PLA2G6: variants seen among roughly 807,000 people sequenced by gnomAD.
The protein encoded by PLA2G6 is phospholipase A2 group VI, also known as 85/88 kDa calcium-independent phospholipase A2.
A neutral mutation model predicts 83.8 loss-of-function variants in PLA2G6; 62 were observed. The observed-to-expected ratio is 0.74, with a 90% CI of 0.60 to 0.91. The LOEUF is 0.91. PLA2G6 is among the 40% of genes least tolerant of loss of function. The pLI, the probability that PLA2G6 is intolerant of heterozygous loss-of-function variation, is 0.00. For synonymous variants in PLA2G6, 417 were observed against 449.8 expected (o/e 0.93, Z 0.92); for missense variants, 944 against 1,102.0 (o/e 0.86, Z 2.03).
rs11570669 is a variant in PLA2G6, at chr22:38,134,706, G to C, written c.894+282C>G. ...TGGGAAGCACTTTACAATTTGTGCC[G>C]AGTTTTGTCACACACTGCCTTGCTG... is the stretch of plus-strand genomic sequence containing the variant. On this transcript the variant is annotated intron_variant, in intron 6 of 16. Transcript: ENST00000332509. 5.6e-5 allele frequency: 26 copies of C among 460,390 alleles called. No homozygotes were observed. The South Asian group carries it at 7.0e-4, about 12-fold the overall frequency. The allele number at this position is 460,390 out of a possible 1,614,324, so 28.5% of individuals were successfully genotyped here.
At chr22:38,119,191 A>C (rs534044749) in intron 12 of PLA2G6, among the ~76,000 whole-genome samples, 1 of 152,250 alleles carries the variant, frequency 6.6e-6, no homozygotes, top group African/African-American at 2.4e-5. Flanking sequence ...CCCAGACACC[A>C]GGACTCACCA....
chr22:38,149,492 T>C (rs890506565), intron 2 of PLA2G6: 2 of 152,034 alleles, frequency 1.3e-5, no homozygotes, highest in Admixed American at 1.3e-4. Context: ...GACAGAAGAA[T>C]ACAAAATATA....
intron 13 of PLA2G6, 72 bp downstream of exon 13, chr22:38,116,003 C>T (rs555279912): frequency 1.7e-5 from 26 of 1,569,682 alleles, no homozygotes; most frequent in Middle Eastern, 2.3e-4. Flanking sequence ...GGCAAGTGCA[C>T]GACTCCCACC....
intron 2 of PLA2G6, among the ~76,000 whole-genome samples, chr22:38,168,799 G>A (rs1479381315): frequency 6.6e-6 from 1 of 152,126 alleles, no homozygotes; most frequent in Non-Finnish European, 1.5e-5. Flanking sequence ...GCAGTGAGCC[G>A]AGATTGCGCC....
At chr22:38,170,653 C>A (rs180818889) in intron 1 of PLA2G6, among the ~76,000 whole-genome samples, 1 of 152,148 alleles carries the variant, frequency 6.6e-6, no homozygotes, top group African/African-American at 2.4e-5. Flanking sequence ...GCCAATCAGA[C>A]GGAGGCCGCC....
At chr22:38,121,017 T>C in intron 11 of PLA2G6, 108 bp from the exon 12 acceptor site, 1 of 1,369,336 alleles carries the variant, frequency 7.3e-7, no homozygotes, top group South Asian at 1.2e-5. Context: ...AGGAAGCGGG[T>C]TTACCGAGGC....
chr22:38,148,247 T>A, intron 2 of PLA2G6: 1 of 435,706 alleles, frequency 2.3e-6, no homozygotes, highest in Non-Finnish European at 4.2e-6. Flanking sequence ...AAGATAGATA[T>A]TTTTGAGGAG....
chr22:38,161,895 TGTC>T (rs968549619), intron 2 of PLA2G6, among the ~76,000 whole-genome samples: 12 of 151,908 alleles, frequency 7.9e-5, no homozygotes, highest in African/African-American at 2.9e-4. Flanking sequence ...CTGTGGCTCA[TGTC>T]GTGATTTCAA....
In PLA2G6 at chr22:38,123,970, G is replaced by A. The variant is rs2087682240; in HGVS notation, c.1428-712C>T. ...CCTGCCTCAACCTCCCGAGTAGCTG[G>A]GATCACAGGTGCCCGCCACCACACC... is the stretch of plus-strand genomic sequence containing the variant. On this transcript the variant is annotated intron_variant, in intron 10 of 16. Transcript: ENST00000332509. This position sits in a 1 kb window ranked among gnomAD's most constrained non-coding sequence, Gnocchi z 4.1. Among the ~76,000 whole-genome samples, 1 of 152,008 alleles carries A rather than the reference G, an allele frequency of 6.6e-6. No homozygotes were observed. Among genetic ancestry groups the A allele is most frequent in the Non-Finnish European group, 1.5e-5 (1 of 68,000 alleles).
intron 2 of PLA2G6, chr22:38,145,939 T>C (rs1248747989): frequency 4.7e-6 from 2 of 425,584 alleles, no homozygotes; most frequent in Non-Finnish European, 8.8e-6. Context: ...GGTGGTGTGA[T>C]CATGACTCAC....
chr22:38,178,960 A>T (rs1022457052), intron 1 of PLA2G6, among the ~76,000 whole-genome samples: 4 of 152,226 alleles, frequency 2.6e-5, no homozygotes, highest in African/African-American at 9.6e-5. Flanking sequence ...AATAAAGAAG[A>T]TAAACAGGTA....
chr22:38,165,713 C>T (rs2090188251), intron 2 of PLA2G6, among the ~76,000 whole-genome samples: 2 of 151,922 alleles, frequency 1.3e-5, no homozygotes, highest in Non-Finnish European at 2.9e-5. Flanking sequence ...CCCGTCTCTA[C>T]TAAAAATACA....
At chr22:38,125,763 G>A in intron 10 of PLA2G6, 1 of 467,138 alleles carries the variant, frequency 2.1e-6, no homozygotes, top group South Asian at 1.6e-5. Context: ...AAGAATAAAT[G>A]AATCAACTGC....
In PLA2G6 at chr22:38,132,345, G is replaced by T; in HGVS notation, c.1077+486C>A. The stretch of plus-strand genomic sequence containing the variant: ...TTACAGCCTCCCAGGGAAGATGAGA[G>T]CAACACGCGGACCAGTGAAGGGAAG... On this transcript the variant is annotated intron_variant, in intron 7 of 16. Coordinates refer to ENST00000332509, the MANE Select transcript of PLA2G6 (RefSeq NM_003560.4). The surrounding 1 kb of genome is among the most constrained non-coding windows in gnomAD (Gnocchi z 5.0). 1 of 326,174 alleles carries T rather than the reference G, an allele frequency of 3.1e-6. No homozygotes were observed. The highest frequency in any genetic ancestry group is 6.0e-6 in the Non-Finnish European group (1 of 167,020). 20.2% of individuals were successfully genotyped at this position (326,174 alleles called of 1,614,324 possible). A position where few individuals can be genotyped will look rare whatever the true frequency, so the allele number is the denominator to read the frequency against.
chr22:38,160,969 A>T (rs1025110595), intron 2 of PLA2G6, among the ~76,000 whole-genome samples: 22 of 152,170 alleles, frequency 1.4e-4, no homozygotes, highest in African/African-American at 5.1e-4. Flanking sequence ...GTGGTTACAC[A>T]GGTGTTTGTG....
At chr22:38,114,341 C>T (rs145315829) in intron 14 of PLA2G6, among the ~76,000 whole-genome samples, 3,268 of 152,240 alleles carry the variant, frequency 0.021, 141 homozygotes, top group African/African-American at 0.075. Context: ...CCACTATGCC[C>T]GCCTGGCTAA....
At chr22:38,163,046 G>C (rs2090080022) in intron 2 of PLA2G6, among the ~76,000 whole-genome samples, 1 of 152,172 alleles carries the variant, frequency 6.6e-6, no homozygotes, top group East Asian at 1.9e-4. Flanking sequence ...CTAAGCCTCA[G>C]GGGACCTGCA....
chr22:38,162,237 A>C (rs1356150253), intron 2 of PLA2G6, among the ~76,000 whole-genome samples: 2 of 151,826 alleles, frequency 1.3e-5, no homozygotes, highest in Admixed American at 6.6e-5. Context: ...AAAAAAAAAA[A>C]AGAAAGTGAG....
Position 38,139,981 on chromosome 22 carries a change from C to T in PLA2G6, c.797+1G>A. The stretch of plus-strand genomic sequence containing the variant: ...CAGATGGGGAGGGGAGGAGGTCTTA[C>T]CCCTTCTGAGAGAACTTCATGGCCG... On this transcript the variant is annotated splice_donor_variant, in intron 5 of 16. Coordinates refer to ENST00000332509, the MANE Select transcript of PLA2G6 (RefSeq NM_003560.4). LOFTEE classifies it high-confidence loss of function. 3.8e-6 allele frequency: 6 copies of T among 1,585,220 alleles called. No individual in the cohort carries two copies. Among genetic ancestry groups the T allele is most frequent in the South Asian group, 1.1e-5 (1 of 87,982 alleles).
Sources: gnomAD v4.1 joint callset for allele counts (sites outside exome capture counted in the v4.1 genomes callset) on GRCh38, gnomAD v4.1.1 for gene constraint, Gnocchi (gnomAD v3.1) non-coding constraint, MANE v1.5 for transcripts, NCBI Gene and HGNC (gene_info 2026-07-23, HGNC 2026-07-21) for gene names.